The following NUCB1 variants were observed in gnomAD, a reference collection of about 807,000 sequenced individuals.
NUCB1 encodes the protein nucleobindin 1, also known as nucleobindin-1.
NUCB1 carries 47 observed loss-of-function variants against 61.2 expected under a neutral mutation model. That is an observed-to-expected ratio of 0.77 (90% CI 0.61 to 0.98). NUCB1 has a LOEUF of 0.98. NUCB1 is among the 50% of genes least tolerant of loss of function. NUCB1 has a pLI of 0.00. For missense variants in NUCB1, 583 were observed against 605.3 expected (o/e 0.96, Z 0.39); for synonymous variants, 234 against 243.1 (o/e 0.96, Z 0.35).
At chr19:48,917,229 A>G (rs1332873940) in intron 7 of NUCB1, among the ~76,000 whole-genome samples, 1 of 152,202 alleles carries the variant, frequency 6.6e-6, no homozygotes, top group Non-Finnish European at 1.5e-5. Flanking sequence ...TCTCTAAAAA[A>G]TAAAAAAATA....
At chr19:48,911,416 T>C (rs1228683280) in intron 5 of NUCB1, among the ~76,000 whole-genome samples, 164 bp downstream of exon 5, 1 of 150,106 alleles carries the variant, frequency 6.7e-6, no homozygotes, top group Non-Finnish European at 1.5e-5. Context: ...TTTTTTTTTT[T>C]TTTTTTGAGA....
intron 7 of NUCB1, chr19:48,918,354 C>T (rs143233040): frequency 2.0e-4 from 40 of 196,378 alleles, no homozygotes; most frequent in African/African-American, 9.1e-4. Flanking sequence ...AGGAGAGGCT[C>T]CCCTCACAAC....
Position 48,922,670 on chromosome 19 carries a change from G to T in NUCB1, c.*246G>T. The T allele has an allele frequency of 2.0e-6, 1 of 490,436 alleles. No homozygotes were observed. The highest frequency in any genetic ancestry group is 3.7e-5 in the East Asian group (1 of 26,958). The allele number at this position is 490,436 out of a possible 1,614,324, so 30.4% of individuals were successfully genotyped here. On this transcript the variant is annotated 3_prime_UTR_variant, in exon 13 of 13. Coordinates refer to ENST00000405315, the MANE Select transcript of NUCB1 (RefSeq NM_006184.6). ...CTTGCCTTCTCTCGTGTCCAGTGAG[G>T]TGCTCAGTGATCGGCTTAACTTAGA...
rs2037606586 is a variant in NUCB1 at position 48,921,250 on chromosome 19, C to T, written c.1099C>T (p.Arg367Cys). The change falls in exon 11 of 13, where the codon CGC (arginine) becomes TGC (cysteine). Residue 367 changes from arginine to cysteine, a missense_variant. By Grantham distance (180) the Arg-to-Cys change is radical. Coordinates refer to ENST00000405315, the MANE Select transcript of NUCB1 (RefSeq NM_006184.6). The stretch of plus-strand genomic sequence containing the variant: ...GGCAGAGCTGAATGCCAAGGCCCAG[C>T]GCCTCAGCCAGGAGACAGAGGCTCT... ...REAELNAKAQ[R>C]LSQETEALGR... 1.2e-6 allele frequency: 2 copies of T among 1,610,222 alleles called. No homozygotes were observed. Among genetic ancestry groups the T allele is most frequent in the Non-Finnish European group, 1.7e-6 (2 of 1,178,722 alleles).
At chr19:48,913,314 A>G in intron 6 of NUCB1, 118 bp downstream of exon 6, 2 of 1,236,796 alleles carry the variant, frequency 1.6e-6, no homozygotes, top group South Asian at 1.5e-5. Context: ...ACTCCCTGTT[A>G]CTGTACCTGG....
intron 7 of NUCB1, 51 bp downstream of exon 7, chr19:48,913,615 CT>C: frequency 7.0e-7 from 1 of 1,435,506 alleles, no homozygotes; most frequent in Non-Finnish European, 9.8e-7. Context: ...GATTCTGACC[CT>C]TCTAGGACCT....
chr19:48,920,440 C>A (rs1463706582), intron 10 of NUCB1, among the ~76,000 whole-genome samples: 1 of 152,168 alleles, frequency 6.6e-6, no homozygotes, highest in Non-Finnish European at 1.5e-5. Flanking sequence ...GATCCTCCTT[C>A]CTTAGCCTCC....
chr19:48,922,021 A>T, intron 12 of NUCB1, 89 bp downstream of exon 12: 1 of 1,015,672 alleles, frequency 9.8e-7, no homozygotes, highest in East Asian at 2.7e-5. Context: ...CCCAGATCTG[A>T]GGGAAGAGGG....
intron 7 of NUCB1, among the ~76,000 whole-genome samples, chr19:48,917,266 G>A (rs570622493): frequency 4.6e-5 from 7 of 152,162 alleles, no homozygotes; most frequent in Admixed American, 6.5e-5. Flanking sequence ...TTTTTAATCA[G>A]GCAGTCCCTA....
intron 8 of NUCB1, 100 bp from the exon 9 acceptor site, chr19:48,918,930 G>A (rs1292132374): frequency 1.5e-5 from 20 of 1,361,786 alleles, no homozygotes; most frequent in East Asian, 1.2e-4. Context: ...CGGCTCCCAG[G>A]AGTGGTAGCG....
At chr19:48,902,020 C>G (rs1267433501) in intron 2 of NUCB1, among the ~76,000 whole-genome samples, 3 of 152,156 alleles carry the variant, frequency 2.0e-5, no homozygotes, top group African/African-American at 7.2e-5. Flanking sequence ...ATGCCCCATG[C>G]CCATGGACTA....
intron 9 of NUCB1, 30 bp from the exon 10 acceptor site, chr19:48,919,162 GCT>G (rs1305341391): frequency 6.2e-7 from 1 of 1,613,682 alleles, no homozygotes; most frequent in African/African-American, 1.3e-5. Flanking sequence ...CGGGCCCCCA[GCT>G]CTGTCACTCA....
chr19:48,913,692 C>A, intron 7 of NUCB1, 128 bp downstream of exon 7: 2 of 697,528 alleles, frequency 2.9e-6, no homozygotes, highest in Non-Finnish European at 2.6e-6. Flanking sequence ...AGCCTATGTC[C>A]CCTGGTTGAC....
rs112459674 is a variant in NUCB1 at position 48,904,455 on chromosome 19, G to A, written c.243+1G>A. The A allele has an allele frequency of 1.9e-6, 3 of 1,606,590 alleles. No homozygotes were observed. Among genetic ancestry groups the A allele is most frequent in the Admixed American group, 1.7e-5 (1 of 59,748 alleles). On this transcript the variant is annotated splice_donor_variant, in intron 3 of 12. Coordinates refer to ENST00000405315, the MANE Select transcript of NUCB1 (RefSeq NM_006184.6). LOFTEE classifies it high-confidence loss of function. ...GGCTGCCAATGCGGAGGACATCAAG[G>A]TGCGGCTGGGGGAGTGGGGGCTGTG... is the stretch of plus-strand genomic sequence containing the variant.
At chr19:48,913,653 C>T (rs1160608292) in intron 7 of NUCB1, 89 bp downstream of exon 7, 1 of 1,120,958 alleles carries the variant, frequency 8.9e-7, no homozygotes, top group Non-Finnish European at 1.3e-6. Context: ...GTGTCTGTCC[C>T]AGGAGGGCTT....
Position 48,922,517 on chromosome 19 carries a change from G to A in NUCB1, c.*93G>A, listed in dbSNP as rs1249293815. ...GCACAGTCAGCTTCCCTGGGGGCTG[G>A]TGTCATGTTGGGCTCCTGGGGCGGG... is the stretch of plus-strand genomic sequence containing the variant. On this transcript the variant is annotated 3_prime_UTR_variant, in exon 13 of 13. Transcript: ENST00000405315. The A allele has an allele frequency of 4.0e-6, 4 of 1,009,106 alleles. No homozygotes were observed. The African/African-American group carries it at 4.8e-5, about 12-fold the overall frequency. The allele number at this position is 1,009,106 out of a possible 1,614,324, so 62.5% of individuals were successfully genotyped here. A position where few individuals can be genotyped will look rare whatever the true frequency, so the allele number is the denominator to read the frequency against.
At chr19:48,910,063 TTGTA>T (rs2037454942) in intron 4 of NUCB1, among the ~76,000 whole-genome samples, 1 of 151,982 alleles carries the variant, frequency 6.6e-6, no homozygotes, top group Non-Finnish European at 1.5e-5. Context: ...TTTCTTTTGT[TTGTA>T]TGTATGTATT....
At chr19:48,902,323 A>C (rs1310832237) in intron 2 of NUCB1, among the ~76,000 whole-genome samples, 1 of 151,488 alleles carries the variant, frequency 6.6e-6, no homozygotes, top group Non-Finnish European at 1.5e-5. Context: ...GTTGGCCAGG[A>C]TGGTCTCGAT....
chr19:48,906,082 A>T (rs2037410779), intron 4 of NUCB1, among the ~76,000 whole-genome samples, 197 bp downstream of exon 4: 1 of 152,092 alleles, frequency 6.6e-6, no homozygotes, highest in South Asian at 2.1e-4. Context: ...TTGTTTGTTT[A>T]TATTCTGTTT....
Sources: allele counts gnomAD v4.1 joint callset (sites outside exome capture counted in the v4.1 genomes callset), GRCh38; gene constraint gnomAD v4.1.1; transcripts MANE v1.5; gene names NCBI Gene and HGNC (gene_info 2026-07-23, HGNC 2026-07-21).